The following PRKG1 variants were observed in gnomAD, a reference collection of about 807,000 sequenced individuals.
PRKG1 encodes cGMP-dependent protein kinase 1.
PRKG1 carries 35 observed loss-of-function variants against 88.1 expected under a neutral mutation model. The ratio of observed to expected loss-of-function variants is 0.40; its 90% CI spans 0.30 to 0.53. PRKG1 has a LOEUF of 0.53. Among genes scored for constraint, PRKG1 ranks in the 20% least tolerant of loss-of-function variants. PRKG1 has a pLI of 0.59. For missense variants in PRKG1, 540 were observed against 839.8 expected, an observed-to-expected ratio of 0.64 and a Z score of 4.41; for synonymous variants, 303 against 292.5, an observed-to-expected ratio of 1.04 and a Z score of -0.37.
chr10:51,710,052 A>C (rs1055391050), intron 3 of PRKG1, among the ~76,000 whole-genome samples: 4 of 152,206 alleles, frequency 2.6e-5, no homozygotes, highest in Non-Finnish European at 5.9e-5. Context: ...CACACAGTTG[A>C]ACAATATGGG....
At chr10:51,849,752 A>T (rs1044800099) in intron 4 of PRKG1, among the ~76,000 whole-genome samples, 1 of 152,176 alleles carries the variant, frequency 6.6e-6, no homozygotes, top group African/African-American at 2.4e-5. Flanking sequence ...ATGAAATAAT[A>T]ATATTATCAC....
intron 3 of PRKG1, among the ~76,000 whole-genome samples, chr10:51,724,700 G>C (rs1301018501): frequency 6.6e-6 from 1 of 151,706 alleles, no homozygotes; most frequent in African/African-American, 2.4e-5. Flanking sequence ...TCATTCATGG[G>C]TTTTTGTTTC....
At chr10:51,688,955 C>T (rs1158820878) in intron 3 of PRKG1, among the ~76,000 whole-genome samples, 1 of 151,980 alleles carries the variant, frequency 6.6e-6, no homozygotes, top group Non-Finnish European at 1.5e-5. Context: ...GTGGTCTTTC[C>T]CATGCTGTTT....
At chr10:52,068,991 A>G (rs57368604) in intron 7 of PRKG1, among the ~76,000 whole-genome samples, 3,871 of 105,976 alleles carry the variant, frequency 0.037, 150 homozygotes, top group African/African-American at 0.096. Context: ...TCAGCAAGGA[A>G]CTTCCCTCCA....
intron 3 of PRKG1, among the ~76,000 whole-genome samples, chr10:51,558,406 T>C (rs1412908570): frequency 6.6e-6 from 1 of 152,082 alleles, no homozygotes; most frequent in African/African-American, 2.4e-5. Context: ...AGGACCATAC[T>C]TGGTTAAAAA....
intron 2 of PRKG1, among the ~76,000 whole-genome samples, chr10:51,262,999 GTTATCAAGGATTCTTTCTTC>G (rs1308356659): frequency 5.3e-5 from 8 of 152,148 alleles, no homozygotes; most frequent in African/African-American, 1.4e-4. Context: ...ATCTAGTGCT[GTTATCAAGGATTCTTTCTTC>G]TTCCTGAGAA....
chr10:52,009,993 C>T (rs1442004237), intron 5 of PRKG1, among the ~76,000 whole-genome samples: 1 of 152,104 alleles, frequency 6.6e-6, no homozygotes, highest in Non-Finnish European at 1.5e-5. Context: ...AACTGGACCT[C>T]TAGCTTCCAT....
chr10:51,611,933 G>A (rs375041009), intron 3 of PRKG1, among the ~76,000 whole-genome samples: 11 of 152,136 alleles, frequency 7.2e-5, no homozygotes, highest in African/African-American at 2.2e-4. Flanking sequence ...CTTTGTCAAA[G>A]ATCAGTTGGC....
chr10:51,820,244 G>A (rs1443958678), intron 4 of PRKG1, among the ~76,000 whole-genome samples: 5 of 152,028 alleles, frequency 3.3e-5, no homozygotes, highest in Non-Finnish European at 5.9e-5. Context: ...CTTTAGTGTT[G>A]CTGATAATTT....
chr10:52,151,034 C>T (rs925170081), intron 8 of PRKG1, among the ~76,000 whole-genome samples: 10 of 151,804 alleles, frequency 6.6e-5, no homozygotes, highest in Admixed American at 3.9e-4. Flanking sequence ...GCCAATTATA[C>T]GAATTTGTAA....
chr10:51,662,605 C>T (rs1840327066), intron 3 of PRKG1, among the ~76,000 whole-genome samples: 1 of 152,120 alleles, frequency 6.6e-6, no homozygotes, highest in South Asian at 2.1e-4. Context: ...TGTTTCCCAA[C>T]TCACTTTCTT....
chr10:51,500,200 T>A (rs1157914887), intron 3 of PRKG1, among the ~76,000 whole-genome samples: 1 of 152,220 alleles, frequency 6.6e-6, no homozygotes, highest in Non-Finnish European at 1.5e-5. Context: ...ATTAAATACA[T>A]CTGCTTTCCT....
At chr10:52,133,790 GC>G (rs1484861947) in intron 7 of PRKG1, 49 bp from the exon 8 acceptor site, 1 of 1,468,236 alleles carries the variant, frequency 6.8e-7, no homozygotes, top group Non-Finnish European at 9.5e-7. Context: ...TGGACACTGT[GC>G]TTTGATATTA....
chr10:52,192,091 T>C (rs1467929091), intron 9 of PRKG1, among the ~76,000 whole-genome samples: 4 of 152,186 alleles, frequency 2.6e-5, no homozygotes, highest in African/African-American at 9.6e-5. Context: ...CACATTTAAA[T>C]TTTTTCCACA....
chr10:51,153,907 T>C (rs1445972069), intron 2 of PRKG1, among the ~76,000 whole-genome samples: 1 of 152,064 alleles, frequency 6.6e-6, no homozygotes, highest in Non-Finnish European at 1.5e-5. Context: ...AGGCACGCAC[T>C]GTGTAATATG....
At position 51,702,143 on chromosome 10, in the gene PRKG1, G is replaced by T. The variant is rs556144267; in HGVS notation, c.593-102442G>T. 1.5e-3 allele frequency among the ~76,000 whole-genome samples: 227 copies of T among 152,244 alleles called. 3 individuals are homozygous for T. The highest frequency in any genetic ancestry group is 5.1e-3 in the African/African-American group (213 of 41,556). On this transcript the variant is annotated intron_variant, in intron 3 of 17. Transcript: ENST00000373980. ...CTGATCTGCTACTGAAGATACCCTG[G>T]ACATGAAGACTGGGTGAACAGAGAG...
intron 2 of PRKG1, among the ~76,000 whole-genome samples, chr10:51,403,291 T>C (rs1837809641): frequency 6.6e-6 from 1 of 152,230 alleles, no homozygotes; most frequent in Non-Finnish European, 1.5e-5. Flanking sequence ...TATGGCATGT[T>C]AATGCTCTTA....
intron 3 of PRKG1, among the ~76,000 whole-genome samples, chr10:51,569,580 A>T (rs1187424762): frequency 1.3e-5 from 2 of 152,142 alleles, no homozygotes; most frequent in Admixed American, 1.3e-4. Context: ...ATTACCATGC[A>T]TGAGACAGCT....
intron 2 of PRKG1, among the ~76,000 whole-genome samples, chr10:51,210,895 G>A (rs1007927424): frequency 1.3e-5 from 2 of 152,286 alleles, no homozygotes; most frequent in Admixed American, 6.5e-5. Context: ...ACAAGGAGGA[G>A]CTGGTACCAT....
Sources: allele counts gnomAD v4.1 joint callset (sites outside exome capture counted in the v4.1 genomes callset), GRCh38; gene constraint gnomAD v4.1.1; transcripts MANE v1.5; gene names NCBI Gene and HGNC (gene_info 2026-07-23, HGNC 2026-07-21).